The following DOCK7 variants were observed in gnomAD, a reference collection of about 807,000 sequenced individuals.
DOCK7 encodes the protein dedicator of cytokinesis protein 7.
Under a neutral mutation model 271.0 loss-of-function variants are expected in DOCK7, and 138 were observed. The ratio of observed to expected loss-of-function variants is 0.51; its 90% CI spans 0.44 to 0.59. The LOEUF is 0.59. DOCK7 is among the 20% of genes least tolerant of loss of function. DOCK7 has a pLI of 0.00. For missense variants in DOCK7, 2,066 were observed against 2,592.4 expected, an observed-to-expected ratio of 0.80 and a Z score of 4.41; for synonymous variants, 823 against 876.1, an observed-to-expected ratio of 0.94 and a Z score of 1.07.
chr1:62,675,524 G>A (rs553037730), intron 1 of DOCK7, among the ~76,000 whole-genome samples: 2 of 152,188 alleles, frequency 1.3e-5, no homozygotes, highest in South Asian at 2.1e-4. Flanking sequence ...GGCTCACTCC[G>A]GTAATCCCAG....
intron 43 of DOCK7, chr1:62,487,146 C>G: frequency 3.0e-6 from 1 of 328,768 alleles, no homozygotes; most frequent in Non-Finnish European, 5.6e-6. Context: ...AAAGTGATGA[C>G]AAAGTGGCTC....
intron 18 of DOCK7, among the ~76,000 whole-genome samples, chr1:62,575,573 A>C (rs1051222274): frequency 4.6e-5 from 7 of 152,192 alleles, no homozygotes; most frequent in African/African-American, 1.7e-4. Flanking sequence ...ACAGTAAGCT[A>C]TTATATTAGC....
chr1:62,458,252 T>C (rs574809951), intron 48 of DOCK7: 1 of 152,806 alleles, frequency 6.5e-6, no homozygotes, highest in South Asian at 2.1e-4. Context: ...CTGAAACAAA[T>C]GTGTGTGTAT....
chr1:62,578,072 C>T (rs1015781794), intron 17 of DOCK7, among the ~76,000 whole-genome samples: 17 of 152,036 alleles, frequency 1.1e-4, no homozygotes, highest in African/African-American at 3.4e-4. Flanking sequence ...CACAGGTGCA[C>T]GACACCACGC....
intron 39 of DOCK7, chr1:62,494,684 A>C: frequency 2.6e-6 from 1 of 380,592 alleles, no homozygotes; most frequent in African/African-American, 2.1e-5. Flanking sequence ...AGGAGGGGCA[A>C]AAAAGAAATA....
At chr1:62,584,864 G>A (rs556533093) in intron 15 of DOCK7, 1 of 717,324 alleles carries the variant, frequency 1.4e-6, no homozygotes, top group South Asian at 1.5e-5. Flanking sequence ...GTATAGGATG[G>A]GTGCAGCTGG....
At chr1:62,486,404 GACA>G (rs1264292457) in intron 43 of DOCK7, 2 of 152,016 alleles carry the variant, frequency 1.3e-5, no homozygotes, top group East Asian at 1.9e-4. Flanking sequence ...ACATAAATCT[GACA>G]ACAAGTGAGA....
chr1:62,532,777 A>C (rs1245484753), intron 29 of DOCK7, among the ~76,000 whole-genome samples: 1 of 152,214 alleles, frequency 6.6e-6, no homozygotes, highest in Non-Finnish European at 1.5e-5. Flanking sequence ...GAGGAGAAAA[A>C]TCCAAGTGCA....
chr1:62,586,064 C>G (rs1647468815), intron 15 of DOCK7, among the ~76,000 whole-genome samples: 1 of 152,100 alleles, frequency 6.6e-6, no homozygotes, highest in East Asian at 1.9e-4. Flanking sequence ...GGAGCATTTT[C>G]AAACTATAAC....
At chr1:62,559,444 GA>G (rs1646250752) in intron 19 of DOCK7, among the ~76,000 whole-genome samples, 1 of 142,446 alleles carries the variant, frequency 7.0e-6, no homozygotes, top group South Asian at 2.3e-4. Flanking sequence ...TACTAATTAA[GA>G]TTTTTTTTTT....
At chr1:62,671,435 A>C (rs1659990190) in intron 1 of DOCK7, among the ~76,000 whole-genome samples, 1 of 152,238 alleles carries the variant, frequency 6.6e-6, no homozygotes, top group African/African-American at 2.4e-5. Flanking sequence ...ACCATATCTT[A>C]TTAATCGTTA....
At chr1:62,555,800 CT>C in intron 21 of DOCK7, 24 bp downstream of exon 21, 1 of 1,595,390 alleles carries the variant, frequency 6.3e-7, no homozygotes, top group Non-Finnish European at 8.5e-7. Flanking sequence ...TGAAAGACAG[CT>C]TCATAGTAAA....
intron 41 of DOCK7, among the ~76,000 whole-genome samples, chr1:62,491,700 T>A (rs1324038400): frequency 6.6e-6 from 1 of 152,198 alleles, no homozygotes; most frequent in Admixed American, 6.5e-5. Flanking sequence ...CCCATCATAC[T>A]GGAAAAAAGA....
At chr1:62,686,086 T>C (rs1661690186) in intron 1 of DOCK7, among the ~76,000 whole-genome samples, 1 of 152,162 alleles carries the variant, frequency 6.6e-6, no homozygotes, top group Admixed American at 6.6e-5. Flanking sequence ...TTTATCAGCA[T>C]GATGTTTTCA....
rs370091514 is a variant in DOCK7, at chr1:62,648,177, G to C, written c.661C>G (p.Arg221Gly). ...LDRTPNEEID[R>G]QNDDQRKSNR... ...GATTTCCTTTGGTCATCATTCTGACGGTCTATTTCTTCATTTGGAGTTCGA... is the reference window on the plus strand; with the variant it reads ...GATTTCCTTTGGTCATCATTCTGACCGTCTATTTCTTCATTTGGAGTTCGA... Residue 221 changes from arginine to glycine, a missense_variant, in exon 6 of 50, where the codon CGT (arginine) becomes GGT (glycine). This residue lies in a region of DOCK7 where 1,414 missense variants were observed against 1,670.4 expected (regional missense o/e 0.85). Transcript: ENST00000635253. The C allele has an allele frequency of 1.2e-6, 2 of 1,613,328 alleles. No homozygotes were observed. Among genetic ancestry groups the C allele is most frequent in the Non-Finnish European group, 1.7e-6 (2 of 1,179,710 alleles).
intron 48 of DOCK7, among the ~76,000 whole-genome samples, chr1:62,462,335 A>G (rs1645554093): frequency 6.6e-6 from 1 of 152,208 alleles, no homozygotes; most frequent in Non-Finnish European, 1.5e-5. Context: ...ACAGCCAAAA[A>G]CAGTCCTTCA....
intron 1 of DOCK7, among the ~76,000 whole-genome samples, chr1:62,685,996 T>C (rs1442328000): frequency 1.3e-5 from 2 of 152,234 alleles, no homozygotes; most frequent in Admixed American, 1.3e-4. Flanking sequence ...TTTTCTCTTG[T>C]GGTTTGTCCT....
intron 18 of DOCK7, among the ~76,000 whole-genome samples, chr1:62,574,508 A>G (rs1052078910): frequency 6.6e-6 from 1 of 152,216 alleles, no homozygotes; most frequent in Non-Finnish European, 1.5e-5. Context: ...AGGAATTAAT[A>G]GAAGAAGACT....
At chr1:62,519,408 T>C (rs1184448664) in intron 31 of DOCK7, among the ~76,000 whole-genome samples, 1 of 152,002 alleles carries the variant, frequency 6.6e-6, no homozygotes, top group Non-Finnish European at 1.5e-5. Flanking sequence ...TCATACAGAG[T>C]TATGCTCTCT....
Sources: allele counts gnomAD v4.1 joint callset (sites outside exome capture counted in the v4.1 genomes callset), GRCh38; gene constraint gnomAD v4.1.1; regional missense constraint gnomAD v4.1.1; transcripts MANE v1.5; gene names NCBI Gene and HGNC (gene_info 2026-07-23, HGNC 2026-07-21).